STXBP5L: variants seen among roughly 807,000 people sequenced by gnomAD.
STXBP5L encodes the protein syntaxin binding protein 5L.
Under a neutral mutation model 144.5 loss-of-function variants are expected in STXBP5L, and 65 were observed. The observed-to-expected ratio is 0.45, with a 90% CI of 0.37 to 0.55. STXBP5L has a LOEUF of 0.55. Among genes scored for constraint, STXBP5L ranks in the 20% least tolerant of loss-of-function variants. STXBP5L has a pLI of 0.00. For synonymous variants in STXBP5L, 505 were observed against 469.6 expected (o/e 1.08, Z -0.97); for missense variants, 1,298 against 1,405.5 (o/e 0.92, Z 1.22).
intron 18 of STXBP5L, among the ~76,000 whole-genome samples, chr3:121,260,158 T>A (rs550491562): frequency 6.6e-6 from 1 of 152,134 alleles, no homozygotes; most frequent in African/African-American, 2.4e-5. Context: ...AAGAGTAGTA[T>A]GTTATTATAA....
chr3:121,045,471 C>T lies in STXBP5L; in HGVS notation c.406C>T (p.His136Tyr), dbSNP rs1947450779. The change falls in exon 5 of 27, where the codon CAT (histidine) becomes TAT (tyrosine). Residue 136 changes from histidine to tyrosine, a missense_variant. Transcript: ENST00000471454. The part of the protein sequence containing the change: ...LVSASSDDTL[H>Y]LWNLRQKRPA... ...CAGTGCAAGTTCAGATGATACACTTCATTTGTGGAACCTTAGACAAAAAAG... is the reference window on the plus strand; with the variant it reads ...CAGTGCAAGTTCAGATGATACACTTTATTTGTGGAACCTTAGACAAAAAAG... 1 of 1,613,286 alleles carries T rather than the reference C, an allele frequency of 6.2e-7. No homozygotes were observed. Among genetic ancestry groups the T allele is most frequent in the Non-Finnish European group, 8.5e-7 (1 of 1,179,512 alleles).
chr3:121,052,436 T>G (rs1948089607), intron 5 of STXBP5L, among the ~76,000 whole-genome samples: 1 of 152,150 alleles, frequency 6.6e-6, no homozygotes, highest in Non-Finnish European at 1.5e-5. Context: ...GAAGGCTGGT[T>G]CAATATACGC....
At chr3:121,251,703 A>G (rs1002161281) in intron 15 of STXBP5L, among the ~76,000 whole-genome samples, 2 of 152,218 alleles carry the variant, frequency 1.3e-5, no homozygotes, top group Non-Finnish European at 2.9e-5. Context: ...AAGAAGCAGC[A>G]TAAAAGTGAT....
intron 11 of STXBP5L, among the ~76,000 whole-genome samples, chr3:121,225,555 T>C (rs948693192): frequency 1.9e-4 from 29 of 151,964 alleles, no homozygotes; most frequent in African/African-American, 7.0e-4. Context: ...GGAGTCCTAA[T>C]TGGAAGGGGA....
At chr3:120,912,248 A>G (rs1420012381) in intron 2 of STXBP5L, among the ~76,000 whole-genome samples, 3 of 151,928 alleles carry the variant, frequency 2.0e-5, no homozygotes, top group African/African-American at 7.2e-5. Context: ...AATAATGGCT[A>G]TTTCTGAAAT....
In STXBP5L at chr3:121,020,598, T is replaced by G. The variant is rs552123344; in HGVS notation, c.288-21102T>G. On this transcript the variant is annotated intron_variant, in intron 3 of 26. Transcript: ENST00000471454. ...ACCATACAAGCTAGAAGGGATTGGTTCCTATCTTTAGTTTCCTTAAACAAA... is the reference window on the plus strand; with the variant it reads ...ACCATACAAGCTAGAAGGGATTGGTGCCTATCTTTAGTTTCCTTAAACAAA... Among the ~76,000 whole-genome samples, 3 of 152,262 alleles carry G rather than the reference T, an allele frequency of 2.0e-5. No homozygotes were observed. The East Asian group carries it at 5.8e-4, about 29-fold the overall frequency.
At chr3:121,079,934 A>G (rs977998105) in intron 5 of STXBP5L, among the ~76,000 whole-genome samples, 3 of 152,110 alleles carry the variant, frequency 2.0e-5, no homozygotes, top group Non-Finnish European at 4.4e-5. Context: ...GAAGTGCCCC[A>G]CTATTATTGT....
intron 3 of STXBP5L, among the ~76,000 whole-genome samples, chr3:121,014,393 A>T (rs552973141): frequency 6.6e-6 from 1 of 152,154 alleles, no homozygotes; most frequent in Admixed American, 6.6e-5. Flanking sequence ...TTTGAGTTCC[A>T]TATAAATGGA....
intron 3 of STXBP5L, among the ~76,000 whole-genome samples, chr3:120,975,574 C>T (rs200287931): frequency 0.12 from 18,306 of 151,948 alleles, 1,122 homozygotes; most frequent in Non-Finnish European, 0.14. Context: ...GAACTTCCAA[C>T]GCTATGTTGA....
chr3:121,351,889 G>A (rs1472661943), intron 20 of STXBP5L, among the ~76,000 whole-genome samples: 2 of 152,094 alleles, frequency 1.3e-5, no homozygotes, highest in African/African-American at 2.4e-5. Flanking sequence ...TCCAGTTTCA[G>A]CTTTTTACAG....
intron 3 of STXBP5L, among the ~76,000 whole-genome samples, chr3:120,957,384 T>C (rs934489270): frequency 6.6e-6 from 1 of 152,008 alleles, no homozygotes; most frequent in African/African-American, 2.4e-5. Flanking sequence ...CCTGAGATGA[T>C]TCCCACTTGA....
At chr3:121,282,316 C>G in intron 19 of STXBP5L, 1 of 1,611,650 alleles carries the variant, frequency 6.2e-7, no homozygotes. Context: ...TTTAACGAAA[C>G]GGATCCGTAC....
intron 3 of STXBP5L, among the ~76,000 whole-genome samples, chr3:121,037,941 A>T (rs973880841): frequency 6.6e-6 from 1 of 151,940 alleles, no homozygotes; most frequent in Non-Finnish European, 1.5e-5. Flanking sequence ...TATTGGCATA[A>T]TTTTTTAAAT....
chr3:121,099,872 A>T (rs987246121), intron 5 of STXBP5L: 12 of 152,216 alleles, frequency 7.9e-5, no homozygotes, highest in Admixed American at 7.9e-4. Context: ...TTGCACACCT[A>T]ACAGGACCCA....
rs74399324 is a variant in STXBP5L, at chr3:121,393,521, A to C, written c.2587+11989A>C. On this transcript the variant is annotated intron_variant, in intron 22 of 26. Coordinates refer to ENST00000471454, the MANE Select transcript of STXBP5L (RefSeq NM_001308330.2). ...TCTTCACCTAAGCCAATGTCCACAC[A>C]AGAGTTTTTGCTAGGTTTCCTTCTA... Among the ~76,000 whole-genome samples the C allele has an allele frequency of 4.1e-3, 624 of 152,282 alleles. 3 individuals carry two copies. The highest frequency in any genetic ancestry group is 0.014 in the African/African-American group (589 of 41,560).
intron 5 of STXBP5L, among the ~76,000 whole-genome samples, chr3:121,093,695 C>G (rs1327923783): frequency 3.9e-5 from 6 of 152,020 alleles, no homozygotes; most frequent in African/African-American, 1.4e-4. Context: ...AGCCGTCTAT[C>G]AATTTTGTTG....
chr3:121,003,888 C>T (rs540413127), intron 3 of STXBP5L, among the ~76,000 whole-genome samples: 1 of 152,166 alleles, frequency 6.6e-6, no homozygotes, highest in Non-Finnish European at 1.5e-5. Flanking sequence ...TTTCTGAGGG[C>T]TCTGTTCTGT....
chr3:121,133,878 A>G (rs903231494), intron 7 of STXBP5L, among the ~76,000 whole-genome samples: 2 of 152,166 alleles, frequency 1.3e-5, no homozygotes, highest in Non-Finnish European at 1.5e-5. Context: ...GCCCCACTTT[A>G]AAACCATCAG....
intron 11 of STXBP5L, among the ~76,000 whole-genome samples, chr3:121,231,363 T>C (rs553537590): frequency 6.6e-6 from 1 of 152,216 alleles, no homozygotes; most frequent in African/African-American, 2.4e-5. Flanking sequence ...TCTCGACTAC[T>C]GGAGATATTG....
Sources: gnomAD v4.1 joint callset for allele counts (sites outside exome capture counted in the v4.1 genomes callset) on GRCh38, gnomAD v4.1.1 for gene constraint, MANE v1.5 for transcripts, NCBI Gene and HGNC (gene_info 2026-07-23, HGNC 2026-07-21) for gene names.